Variants in KLB observed in about 807,000 individuals in gnomAD.
KLB encodes beta-klotho.
KLB carries 44 observed loss-of-function variants against 88.4 expected under a neutral mutation model. That is an observed-to-expected ratio of 0.50 (90% CI 0.39 to 0.64). The LOEUF (loss-of-function observed/expected upper bound fraction) is 0.64. Ranked by LOEUF, KLB falls within the 30% of genes least tolerant of loss-of-function variation. The pLI is 0.00. For synonymous variants in KLB, 548 were observed against 513.4 expected, an observed-to-expected ratio of 1.07 and a Z score of -0.91; for missense variants, 1,137 against 1,304.8, an observed-to-expected ratio of 0.87 and a Z score of 1.98.
rs1413539818 is a variant in KLB, at chr4:39,449,541, A to G, written c.*855A>G. 6.6e-6 allele frequency: 1 copy of G among 152,218 alleles called. No individual in the cohort carries two copies. The highest frequency in any genetic ancestry group is 1.5e-5 in the Non-Finnish European group (1 of 68,044). 9.4% of individuals were successfully genotyped at this position (152,218 alleles called of 1,614,324 possible). A position where few individuals can be genotyped will look rare whatever the true frequency, so the allele number is the denominator to read the frequency against. ...AGCCAGTTACAACACAGACTCTTAA[A>G]GAGGATCAAGCCCTTCATTTTTCTA... On this transcript the variant is annotated 3_prime_UTR_variant, in exon 5 of 5. Transcript: ENST00000257408.
intron 1 of KLB, among the ~76,000 whole-genome samples, chr4:39,427,612 G>A (rs1743249862): frequency 6.6e-6 from 1 of 152,050 alleles, no homozygotes; most frequent in Non-Finnish European, 1.5e-5. Context: ...AACAATAAAT[G>A]AGGGCAAACA....
At chr4:39,444,475 C>A (rs1313084751) in intron 3 of KLB, among the ~76,000 whole-genome samples, 1 of 152,240 alleles carries the variant, frequency 6.6e-6, no homozygotes, top group Admixed American at 6.5e-5. Flanking sequence ...AAAGCCATTT[C>A]TCCAAGGAGT....
chr4:39,424,769 C>T (rs1743165206), intron 1 of KLB, among the ~76,000 whole-genome samples: 1 of 152,076 alleles, frequency 6.6e-6, no homozygotes, highest in Non-Finnish European at 1.5e-5. Flanking sequence ...GCTGGGACTA[C>T]AGGCATGTGC....
At chr4:39,427,057 A>C (rs975431255) in intron 1 of KLB, among the ~76,000 whole-genome samples, 20 of 152,214 alleles carry the variant, frequency 1.3e-4, no homozygotes, top group African/African-American at 4.8e-4. Context: ...GCATTTGGTA[A>C]TTAACATAAA....
At chr4:39,408,771 G>A (rs571837423) in intron 1 of KLB, among the ~76,000 whole-genome samples, 6 of 151,936 alleles carry the variant, frequency 3.9e-5, no homozygotes, top group African/African-American at 1.2e-4. Flanking sequence ...CTCACATTGA[G>A]GCTAATATCT....
In KLB at chr4:39,420,190, T is replaced by A. The variant is rs2109825184; in HGVS notation, c.825+12416T>A. Among the ~76,000 whole-genome samples, 5 of 152,188 alleles carry A rather than the reference T, an allele frequency of 3.3e-5. No homozygotes were observed. In the Middle Eastern group the frequency reaches 0.017, roughly 521 times the overall value. The stretch of plus-strand genomic sequence containing the variant: ...GTTGGTGAAAGCCAGGATCTTTTAG[T>A]ATTTGGGGGAGTTCATTGCTTGGTT... On this transcript the variant is annotated intron_variant, in intron 1 of 4. Coordinates refer to ENST00000257408, the MANE Select transcript of KLB (RefSeq NM_175737.4).
At chr4:39,435,886 T>C (rs369350303) in intron 2 of KLB, among the ~76,000 whole-genome samples, 27 of 152,378 alleles carry the variant, frequency 1.8e-4, no homozygotes, top group East Asian at 1.2e-3. Context: ...AAAAGAGGTA[T>C]GCTTAAAGTT....
chr4:39,428,783 T>C (rs1242203674), intron 1 of KLB, among the ~76,000 whole-genome samples: 1 of 152,214 alleles, frequency 6.6e-6, no homozygotes, highest in Non-Finnish European at 1.5e-5. Flanking sequence ...CTCGGCTCAC[T>C]GCAACCTCTG....
chr4:39,450,713 A>G lies in KLB; in HGVS notation c.*2027A>G, dbSNP rs1743872553. On this transcript the variant is annotated 3_prime_UTR_variant, in exon 5 of 5. Coordinates refer to ENST00000257408, the MANE Select transcript of KLB (RefSeq NM_175737.4). ...TCTGTTTTTATTACTCTAACTATGTAGAAACAGTAAGTCACTTAAAACAAT... is the reference window on the plus strand; with the variant it reads ...TCTGTTTTTATTACTCTAACTATGTGGAAACAGTAAGTCACTTAAAACAAT... 1 of 152,212 alleles carries G rather than the reference A, an allele frequency of 6.6e-6. No homozygotes were observed. The allele number at this position is 152,212 out of a possible 1,614,324, so 9.4% of individuals were successfully genotyped here.
At chr4:39,421,607 T>C (rs1560646348) in intron 1 of KLB, among the ~76,000 whole-genome samples, 1 of 152,110 alleles carries the variant, frequency 6.6e-6, no homozygotes, top group Non-Finnish European at 1.5e-5. Context: ...AAAAATAATT[T>C]AGCTGGGCAT....
Position 39,446,489 on chromosome 4 carries a change from T to C in KLB, c.1763T>C (p.Met588Thr), listed in dbSNP as rs748448179. 1 of 1,614,168 alleles carries C rather than the reference T, an allele frequency of 6.2e-7. No homozygotes were observed. Among genetic ancestry groups the C allele is most frequent in the Non-Finnish European group, 8.5e-7 (1 of 1,180,038 alleles). The change falls in exon 4 of 5, where the codon ATG becomes ACG. Residue 588 changes from methionine to threonine, a missense_variant. Coordinates refer to ENST00000257408, the MANE Select transcript of KLB (RefSeq NM_175737.4). This position sits in a 1 kb window ranked among gnomAD's most constrained non-coding sequence, Gnocchi z 6.4. ...GTAAACATCAAAAAACAACTTGAGA[T>C]GTTGGCAAGAATGAAAGTCACCCAC... ...DFVNIKKQLE[M>T]LARMKVTHYR... is the part of the protein sequence containing the mutation.
Position 39,432,723 on chromosome 4 carries a change from C to A in KLB, c.826-1487C>A, listed in dbSNP as rs766872433. 9.2e-5 allele frequency among the ~76,000 whole-genome samples: 14 copies of A among 152,186 alleles called. No homozygotes were observed. In the East Asian group the frequency reaches 1.5e-3, roughly 17 times the overall value. On this transcript the variant is annotated intron_variant, in intron 1 of 4. Transcript: ENST00000257408. Reference sequence around the variant, plus strand: ...TATTAAATGGACCAGAAACCCATCACGAGGCTGTGTTGTAAGAGAGCTCAA... The same window carrying A: ...TATTAAATGGACCAGAAACCCATCAAGAGGCTGTGTTGTAAGAGAGCTCAA...
intron 1 of KLB, among the ~76,000 whole-genome samples, chr4:39,418,988 T>C (rs889432887): frequency 6.6e-6 from 1 of 151,354 alleles, no homozygotes; most frequent in Non-Finnish European, 1.5e-5. Context: ...ACCAAATACA[T>C]TAAAACTATT....
chr4:39,425,866 T>C (rs1300832394), intron 1 of KLB, among the ~76,000 whole-genome samples: 1 of 152,026 alleles, frequency 6.6e-6, no homozygotes, highest in African/African-American at 2.4e-5. Flanking sequence ...GCCTGTAATG[T>C]CAGCACTTTG....
In KLB at chr4:39,446,963, G is replaced by T; in HGVS notation, c.2237G>T (p.Trp746Leu). Reference protein sequence around the residue: ...GAVSLSLHADWAEPANPYADS... With the variant: ...GAVSLSLHADLAEPANPYADS... ...GTGTCGCTGTCGCTGCACGCGGACT[G>T]GGCGGAACCCGCCAACCCCTATGCT... Residue 746 changes from tryptophan (W) to leucine (L), a missense_variant, in exon 4 of 5, where the codon TGG becomes TTG. Transcript: ENST00000257408. This position sits in a 1 kb window ranked among gnomAD's most constrained non-coding sequence, Gnocchi z 6.4. 1 of 1,607,048 alleles carries T rather than the reference G, an allele frequency of 6.2e-7. No individual in the cohort carries two copies.
chr4:39,438,026 C>A, intron 3 of KLB, 31 bp downstream of exon 3: 1 of 1,590,082 alleles, frequency 6.3e-7, no homozygotes, highest in South Asian at 1.1e-5. Context: ...TAACCATAAA[C>A]TGGGAAAAAC....
intron 1 of KLB, among the ~76,000 whole-genome samples, chr4:39,412,435 A>C (rs1742874328): frequency 6.6e-6 from 1 of 152,134 alleles, no homozygotes; most frequent in Non-Finnish European, 1.5e-5. Context: ...TTTTTCACCA[A>C]GACCTTTGAG....
At chr4:39,445,653 C>T (rs1461314112) in intron 3 of KLB, among the ~76,000 whole-genome samples, 5 of 149,962 alleles carry the variant, frequency 3.3e-5, no homozygotes, top group African/African-American at 7.3e-5. Flanking sequence ...TACAAGCATG[C>T]GCCTCCACGC....
chr4:39,418,347 C>T (rs1743008182), intron 1 of KLB, among the ~76,000 whole-genome samples: 1 of 152,048 alleles, frequency 6.6e-6, no homozygotes, highest in African/African-American at 2.4e-5. Context: ...TCAAGCGATT[C>T]TCCTGCCTCA....
Sources: gnomAD v4.1 joint callset for allele counts (sites outside exome capture counted in the v4.1 genomes callset) on GRCh38, gnomAD v4.1.1 for gene constraint, Gnocchi (gnomAD v3.1) non-coding constraint, MANE v1.5 for transcripts, NCBI Gene and HGNC (gene_info 2026-07-23, HGNC 2026-07-21) for gene names.